Variants in WSB2 observed in about 807,000 individuals in gnomAD.
The protein encoded by WSB2 is WD repeat and SOCS box-containing protein 2.
WSB2 carries 12 observed loss-of-function variants against 48.8 expected under a neutral mutation model. The observed-to-expected ratio is 0.25, with a 90% CI of 0.16 to 0.40. WSB2 has a LOEUF of 0.40. Ranked by LOEUF, WSB2 falls within the 10% of genes least tolerant of loss-of-function variation. The probability of loss-of-function intolerance (pLI) is 1.00; values close to 1 mark genes in which losing one functional copy is unlikely to be tolerated. For missense variants in WSB2, 317 were observed against 506.2 expected, an observed-to-expected ratio of 0.63 and a Z score of 3.59; for synonymous variants, 191 against 203.1, an observed-to-expected ratio of 0.94 and a Z score of 0.51.
In WSB2 at chr12:118,060,956, CCGGGGTCGCCT is replaced by C; in HGVS notation, c.13+69_13+79del. The C allele has an allele frequency of 1.4e-6, 1 of 716,200 alleles. No individual in the cohort carries two copies. Among genetic ancestry groups the C allele is most frequent in the Non-Finnish European group, 1.7e-6 (1 of 582,914 alleles). The allele number at this position is 716,200 out of a possible 1,614,324, so 44.4% of individuals were successfully genotyped here. A position where few individuals can be genotyped will look rare whatever the true frequency, so the allele number is the denominator to read the frequency against. On this transcript the variant is annotated intron_variant, in intron 1 of 8. Transcript: ENST00000315436. The surrounding 1 kb of genome is among the most constrained non-coding windows in gnomAD (Gnocchi z 4.1). Reference sequence around the variant, plus strand: ...CCCGCCCCACCCCGCCCAGCCCGCCCCGGGGTCGCCTCCCCCCTCCCCGGGGAGAACGGGCC... The same window carrying C: ...CCCGCCCCACCCCGCCCAGCCCGCCCCCCCCCTCCCCGGGGAGAACGGGCC...
chr12:118,060,968 C>T lies in WSB2; in HGVS notation c.13+68G>A, dbSNP rs2032052271. ...CGCCCAGCCCGCCCCGGGGTCGCCT[C>T]CCCCCTCCCCGGGGAGAACGGGCCA... On this transcript the variant is annotated intron_variant, in intron 1 of 8. Transcript: ENST00000315436. This position sits in a 1 kb window ranked among gnomAD's most constrained non-coding sequence, Gnocchi z 4.1. The T allele has an allele frequency of 8.3e-6, 6 of 719,132 alleles. No homozygotes were observed. Among genetic ancestry groups the T allele is most frequent in the South Asian group, 6.0e-5 (1 of 16,762 alleles). 44.5% of individuals were successfully genotyped at this position (719,132 alleles called of 1,614,324 possible).
At chr12:118,049,406 A>AT (rs999482589) in intron 2 of WSB2, among the ~76,000 whole-genome samples, 3,058 of 146,376 alleles carry the variant, frequency 0.021, 82 homozygotes, top group African/African-American at 0.064. Context: ...CATTTCTGAG[A>AT]TTTTTTTTTT....
chr12:118,061,535 G>A (rs138986796), upstream of WSB2, among the ~76,000 whole-genome samples: 1,590 of 151,410 alleles, frequency 0.011, 17 homozygotes, highest in East Asian at 0.027. Context: ...CCGGGAAAAG[G>A]GGAGCGATAG....
At chr12:118,050,617 C>T (rs1182452718) in intron 2 of WSB2, among the ~76,000 whole-genome samples, 1 of 151,896 alleles carries the variant, frequency 6.6e-6, no homozygotes, top group Admixed American at 6.6e-5. Flanking sequence ...CAAGCCTGGA[C>T]AACAGAGCAA....
chr12:118,052,866 C>A (rs2031881456), intron 1 of WSB2, among the ~76,000 whole-genome samples: 1 of 152,160 alleles, frequency 6.6e-6, no homozygotes, highest in Non-Finnish European at 1.5e-5. Context: ...TTCAGAAGAA[C>A]CTGCTGCTGT....
chr12:118,034,720 T>G (rs2031465733), intron 8 of WSB2: 5 of 530,998 alleles, frequency 9.4e-6, no homozygotes, highest in Middle Eastern at 5.0e-4. Context: ...CCATATATTA[T>G]GCATCATCTC....
At chr12:118,035,160 C>T (rs2031478831) in intron 7 of WSB2, 54 bp downstream of exon 7, 1 of 1,612,338 alleles carries the variant, frequency 6.2e-7, no homozygotes, top group Non-Finnish European at 8.5e-7. Context: ...GCCTTGCTGC[C>T]ATTACTTGCA....
chr12:118,051,072 A>C (rs1390698217), intron 2 of WSB2, among the ~76,000 whole-genome samples: 1 of 151,876 alleles, frequency 6.6e-6, no homozygotes, highest in Non-Finnish European at 1.5e-5. Flanking sequence ...AAAAAAAAAG[A>C]AAGAAAGAAA....
intron 2 of WSB2, 108 bp downstream of exon 2, chr12:118,052,202 G>A: frequency 7.0e-7 from 1 of 1,431,494 alleles, no homozygotes; most frequent in Non-Finnish European, 9.4e-7. Context: ...ATCAATTCCT[G>A]AACCATGAGC....
At chr12:118,056,235 T>A (rs758043510) in intron 1 of WSB2, among the ~76,000 whole-genome samples, 1 of 152,102 alleles carries the variant, frequency 6.6e-6, no homozygotes, top group Non-Finnish European at 1.5e-5. Context: ...CTCCAACACA[T>A]TGCCCTTCTC....
At chr12:118,058,565 T>C (rs1217613192) in intron 1 of WSB2, among the ~76,000 whole-genome samples, 1 of 152,088 alleles carries the variant, frequency 6.6e-6, no homozygotes, top group African/African-American at 2.4e-5. Context: ...CTGCCTAGAC[T>C]GGTCTCAAAC....
intron 5 of WSB2, among the ~76,000 whole-genome samples, chr12:118,037,101 G>A (rs1178305818): frequency 6.6e-6 from 1 of 152,130 alleles, no homozygotes; most frequent in Non-Finnish European, 1.5e-5. Flanking sequence ...AGAATCACTT[G>A]AGCCTGGTAG....
At position 118,043,326 on chromosome 12, in the gene WSB2, T is replaced by A; in HGVS notation, c.234A>T (p.Lys78Asn). The A allele has an allele frequency of 1.3e-6, 2 of 1,598,828 alleles. No homozygotes were observed. The highest frequency in any genetic ancestry group is 1.7e-6 in the Non-Finnish European group (2 of 1,172,720). ...TCTTCTCTTTTGGGCTGCCCCGCCCTTTCGTCTCATTTTTGCTACTTCGGC... is the reference window on the plus strand; with the variant it reads ...TCTTCTCTTTTGGGCTGCCCCGCCCATTCGTCTCATTTTTGCTACTTCGGC... ...AKSRSSKNET[K>N]GRGSPKEKTL... is the part of the protein sequence containing the mutation. Residue 78 changes from lysine (K) to asparagine (N), a missense_variant, in exon 3 of 9, where the codon AAA (lysine) becomes AAT (asparagine). Around this residue, in one of 2 missense-constraint regions of WSB2, gnomAD observed 128 missense variants for 156.7 expected, o/e 0.82. Transcript: ENST00000315436.
chr12:118,038,305 C>T lies in WSB2; in HGVS notation c.643G>A (p.Ala215Thr). ...AGACTCACCGACTTCTCTCCAGCTG[C>T]AGAGCACAGCATGCTGCAGTCTGGG... ...ISPDCSMLCS[A>T]AGEKSVFLWS... The change falls in exon 5 of 9, where the codon GCA becomes ACA. Residue 215 changes from alanine (A) to threonine (T), a missense_variant. Coordinates refer to ENST00000315436, the MANE Select transcript of WSB2 (RefSeq NM_018639.5). 1 of 1,613,634 alleles carries T rather than the reference C, an allele frequency of 6.2e-7. No homozygotes were observed. Among genetic ancestry groups the T allele is most frequent in the Non-Finnish European group, 8.5e-7 (1 of 1,179,900 alleles).
At position 118,034,174 on chromosome 12, in the gene WSB2, G is replaced by A; in HGVS notation, c.*22C>T. On this transcript the variant is annotated 3_prime_UTR_variant, in exon 9 of 9. Transcript: ENST00000315436. ...ACAGGACGATTTACCCTGCTACAAA[G>A]AAGCACAAGATGTGGTGTTGCTTAA... is the stretch of plus-strand genomic sequence containing the variant. 1 of 1,613,772 alleles carries A rather than the reference G, an allele frequency of 6.2e-7. No homozygotes were observed. Among genetic ancestry groups the A allele is most frequent in the Non-Finnish European group, 8.5e-7 (1 of 1,179,742 alleles).
intron 1 of WSB2, among the ~76,000 whole-genome samples, chr12:118,054,217 C>CAAAA (rs61421772): frequency 0.038 from 2,149 of 56,030 alleles, 60 homozygotes; most frequent in South Asian, 0.078. Flanking sequence ...ACTAAAAATC[C>CAAAA]AAAAAAAAAA....
chr12:118,039,793 G>C (rs1453325499), intron 4 of WSB2, among the ~76,000 whole-genome samples: 2 of 151,344 alleles, frequency 1.3e-5, no homozygotes, highest in Non-Finnish European at 2.9e-5. Context: ...GCCTAGGTGG[G>C]AGTGCAATGG....
rs762668888 is a variant in WSB2, at chr12:118,036,481, C to T, written c.690G>A (p.Thr230=). The T allele has an allele frequency of 1.5e-5, 25 of 1,613,720 alleles. No homozygotes were observed. The highest frequency in any genetic ancestry group is 1.6e-4 in the Middle Eastern group (1 of 6,084). Residue 230 remains threonine (T), a synonymous_variant, in exon 6 of 9, where the codon ACG becomes ACA. Coordinates refer to ENST00000315436, the MANE Select transcript of WSB2 (RefSeq NM_018639.5). ...SVFLWSMRSY[T]LIRKLEGHQS... ...GATGGCCCTCTAGCTTCCGAATTAA[C>T]GTGTAGGACCTCATGCTCCATAGAA...
At position 118,034,571 on chromosome 12, in the gene WSB2, A is replaced by AGT. The variant is rs952871702; in HGVS notation, c.1053-214_1053-213insAC. 129 of 457,046 alleles carry AGT rather than the reference A, an allele frequency of 2.8e-4. 1 individual carries two copies. The African/African-American group carries it at 3.2e-3, about 11-fold the overall frequency. 28.3% of individuals were successfully genotyped at this position (457,046 alleles called of 1,614,324 possible). ...AAACTCAAGACACCTGTGATACCAA[A>AGT]GCGCTCTCTCTGTCTCTCTCTCGGC... On this transcript the variant is annotated intron_variant, in intron 8 of 8. Transcript: ENST00000315436.
Sources: allele counts gnomAD v4.1 joint callset (sites outside exome capture counted in the v4.1 genomes callset), GRCh38; gene constraint gnomAD v4.1.1; regional missense constraint gnomAD v4.1.1; non-coding constraint Gnocchi (gnomAD v3.1); transcripts MANE v1.5; gene names NCBI Gene and HGNC (gene_info 2026-07-23, HGNC 2026-07-21).